AXDND1: variants seen among roughly 807,000 people sequenced by gnomAD.
AXDND1 encodes axonemal dynein light chain domain-containing protein 1.
In AXDND1, 110 loss-of-function variants were observed where a neutral mutation model predicts 137.5. That is an observed-to-expected ratio of 0.80 (90% CI 0.69 to 0.94). The LOEUF (loss-of-function observed/expected upper bound fraction) is 0.94, where lower values mean the gene tolerates loss of function less well. Among genes scored for constraint, AXDND1 ranks in the 40% least tolerant of loss-of-function variants. The pLI, the probability that AXDND1 is intolerant of heterozygous loss-of-function variation, is 0.00. For synonymous variants in AXDND1, 414 were observed against 399.7 expected, an observed-to-expected ratio of 1.04 and a Z score of -0.43; for missense variants, 1,191 against 1,169.8, an observed-to-expected ratio of 1.02 and a Z score of -0.26.
chr1:179,406,132 A>G (rs951204276), intron 11 of AXDND1, among the ~76,000 whole-genome samples: 5 of 152,090 alleles, frequency 3.3e-5, no homozygotes, highest in Non-Finnish European at 1.5e-5. Flanking sequence ...ATTCAGGAGC[A>G]TGTTGTTTAA....
intron 17 of AXDND1, among the ~76,000 whole-genome samples, chr1:179,480,404 C>T (rs994072206): frequency 1.4e-4 from 22 of 152,162 alleles, no homozygotes; most frequent in Admixed American, 3.9e-4. Context: ...TTCACTACCA[C>T]GAGAACAGTA....
rs547021922 is a variant in AXDND1 at position 179,543,666 on chromosome 1, G to A, written c.3031+8704G>A. ...TTCGGTTGTGTACAAGAGGGAAGGA[G>A]GAGATGTTCTTTCTCTTCTTCACTC... On this transcript the variant is annotated intron_variant, in intron 25 of 25. Transcript: ENST00000367618. 4 of 152,192 alleles carry A rather than the reference G, an allele frequency of 2.6e-5. No individual in the cohort carries two copies. In the East Asian group the frequency reaches 7.7e-4, roughly 29 times the overall value. The allele number at this position is 152,192 out of a possible 1,614,324, so 9.4% of individuals were successfully genotyped here.
chr1:179,506,305 A>C (rs1349622551), intron 20 of AXDND1, among the ~76,000 whole-genome samples: 1 of 152,186 alleles, frequency 6.6e-6, no homozygotes, highest in Non-Finnish European at 1.5e-5. Flanking sequence ...ACTGACAAAA[A>C]AGACACACAT....
At chr1:179,498,283 G>A (rs1667656917) in intron 20 of AXDND1, among the ~76,000 whole-genome samples, 1 of 151,656 alleles carries the variant, frequency 6.6e-6, no homozygotes, top group African/African-American at 2.4e-5. Flanking sequence ...AAAACAGCAT[G>A]GTACTGGTAC....
chr1:179,437,937 A>G (rs1265087254), intron 15 of AXDND1, among the ~76,000 whole-genome samples: 1 of 152,166 alleles, frequency 6.6e-6, no homozygotes, highest in East Asian at 1.9e-4. Context: ...GGATCACCTC[A>G]GGTCAGGAGT....
intron 16 of AXDND1, among the ~76,000 whole-genome samples, chr1:179,468,146 G>A (rs1663459683): frequency 6.6e-6 from 1 of 152,142 alleles, no homozygotes; most frequent in Non-Finnish European, 1.5e-5. Flanking sequence ...GAAAACTATA[G>A]TTGATAGTTT....
At chr1:179,432,566 C>T (rs113300098) in intron 15 of AXDND1, among the ~76,000 whole-genome samples, 6,951 of 152,184 alleles carry the variant, frequency 0.046, 232 homozygotes, top group Non-Finnish European at 0.069. Context: ...GCTAGGATTA[C>T]AGGCATGTGC....
chr1:179,469,877 A>G (rs1376263082), intron 17 of AXDND1, among the ~76,000 whole-genome samples: 1 of 152,202 alleles, frequency 6.6e-6, no homozygotes, highest in Non-Finnish European at 1.5e-5. Flanking sequence ...TGCTGGTGTC[A>G]TAGCTAAGAA....
chr1:179,508,373 G>A (rs867582245), intron 20 of AXDND1, among the ~76,000 whole-genome samples: 2 of 151,734 alleles, frequency 1.3e-5, no homozygotes, highest in Non-Finnish European at 1.5e-5. Flanking sequence ...AGAAATATAA[G>A]GTATATTACT....
At chr1:179,536,540 C>A (rs946064647) in intron 25 of AXDND1, among the ~76,000 whole-genome samples, 2 of 152,114 alleles carry the variant, frequency 1.3e-5, no homozygotes, top group Non-Finnish European at 2.9e-5. Flanking sequence ...GGTGTTATTT[C>A]GGAGGCCTCT....
intron 6 of AXDND1, among the ~76,000 whole-genome samples, chr1:179,380,505 G>A (rs1288357355): frequency 1.3e-5 from 2 of 152,124 alleles, no homozygotes; most frequent in African/African-American, 4.8e-5. Flanking sequence ...TCCAGGGCTT[G>A]GCTCCACATT....
intron 25 of AXDND1, among the ~76,000 whole-genome samples, chr1:179,541,014 C>T (rs765423877): frequency 4.6e-5 from 7 of 152,170 alleles, no homozygotes; most frequent in African/African-American, 1.2e-4. Flanking sequence ...CAATAGCGAA[C>T]GCTCTTCCCC....
intron 16 of AXDND1, chr1:179,456,241 C>A: frequency 1.3e-6 from 1 of 760,212 alleles, no homozygotes; most frequent in South Asian, 1.3e-5. Flanking sequence ...CTGCCACTGT[C>A]ATAGCTACTG....
At chr1:179,554,006 G>A (rs1265836019) in intron 25 of AXDND1, among the ~76,000 whole-genome samples, 4 of 150,802 alleles carry the variant, frequency 2.7e-5, no homozygotes, top group South Asian at 2.1e-4. Context: ...TCTGCCTCTC[G>A]GGTTCAAGCG....
intron 16 of AXDND1, among the ~76,000 whole-genome samples, chr1:179,467,280 C>G (rs1284456334): frequency 6.6e-6 from 1 of 152,072 alleles, no homozygotes; most frequent in Non-Finnish European, 1.5e-5. Flanking sequence ...CATGGGAAAA[C>G]ACAATTTAAT....
At chr1:179,497,130 A>G (rs1168260104) in intron 20 of AXDND1, among the ~76,000 whole-genome samples, 1 of 152,106 alleles carries the variant, frequency 6.6e-6, no homozygotes, top group Non-Finnish European at 1.5e-5. Flanking sequence ...TGTCTTGGTA[A>G]CTGTTCCATG....
chr1:179,463,122 G>C (rs997354244), intron 16 of AXDND1, among the ~76,000 whole-genome samples: 1 of 152,108 alleles, frequency 6.6e-6, no homozygotes, highest in Non-Finnish European at 1.5e-5. Flanking sequence ...TATCTCCTCA[G>C]TTCTGCTCTG....
At chr1:179,383,761 A>G (rs1354742430) in intron 8 of AXDND1, among the ~76,000 whole-genome samples, 1 of 152,232 alleles carries the variant, frequency 6.6e-6, no homozygotes, top group Non-Finnish European at 1.5e-5. Flanking sequence ...AATAAATGTA[A>G]AGTGCTTAGA....
At chr1:179,480,480 A>T (rs1370262304) in intron 17 of AXDND1, among the ~76,000 whole-genome samples, 12 of 152,198 alleles carry the variant, frequency 7.9e-5, no homozygotes, top group African/African-American at 2.7e-4. Flanking sequence ...TGAGGGAATT[A>T]TGGGAGCTAC....
Sources: allele counts gnomAD v4.1 joint callset (sites outside exome capture counted in the v4.1 genomes callset), GRCh38; gene constraint gnomAD v4.1.1; transcripts MANE v1.5; gene names NCBI Gene and HGNC (gene_info 2026-07-23, HGNC 2026-07-21).